The following NGEF variants were observed in gnomAD, a reference collection of about 807,000 sequenced individuals.
NGEF encodes neuronal guanine nucleotide exchange factor, also known as ephexin-1.
Under a neutral mutation model 80.9 loss-of-function variants are expected in NGEF, and 31 were observed. That is an observed-to-expected ratio of 0.38 (90% confidence interval 0.29 to 0.52). The LOEUF (loss-of-function observed/expected upper bound fraction) is 0.52. Among genes scored for constraint, NGEF ranks in the 20% least tolerant of loss-of-function variants. The pLI, the probability that NGEF is intolerant of heterozygous loss-of-function variation, is 0.84. For missense variants in NGEF, 709 were observed against 926.2 expected (o/e 0.77, Z 3.04); for synonymous variants, 371 against 370.2 (o/e 1.00, Z -0.03).
chr2:232,979,531 A>C (rs1350673034), intron 1 of NGEF, among the ~76,000 whole-genome samples: 1 of 152,226 alleles, frequency 6.6e-6, no homozygotes, highest in East Asian at 1.9e-4. Flanking sequence ...ACTGCCAGAA[A>C]ACCCAGAAGC....
intron 5 of NGEF, among the ~76,000 whole-genome samples, chr2:232,916,421 C>T (rs1259307571): frequency 2.0e-5 from 3 of 152,050 alleles, no homozygotes; most frequent in African/African-American, 4.8e-5. Context: ...GCACAAATTG[C>T]GTCCCTTATA....
intron 1 of NGEF, among the ~76,000 whole-genome samples, chr2:233,008,833 G>A (rs1229956409): frequency 6.9e-6 from 1 of 144,240 alleles, no homozygotes; most frequent in Admixed American, 7.0e-5. Context: ...ACGGAGTCTT[G>A]CTCTGTGGCC....
intron 8 of NGEF, among the ~76,000 whole-genome samples, chr2:232,889,902 C>G (rs1468960170): frequency 6.6e-6 from 1 of 152,182 alleles, no homozygotes; most frequent in African/African-American, 2.4e-5. Context: ...CTGTGGCTCC[C>G]AGGTCCCCCT....
chr2:232,963,629 T>C (rs1328973306), intron 3 of NGEF, among the ~76,000 whole-genome samples: 3 of 151,898 alleles, frequency 2.0e-5, no homozygotes, highest in Non-Finnish European at 4.4e-5. Context: ...GCCTGGCCAA[T>C]ATGGTGAAAC....
At chr2:232,945,587 A>G (rs4973580) in intron 3 of NGEF, among the ~76,000 whole-genome samples, 91,547 of 151,898 alleles carry the variant, frequency 0.6, 27,837 homozygotes, top group South Asian at 0.67. Flanking sequence ...GGTGCCAGCC[A>G]CCACCAGAAG....
intron 1 of NGEF, among the ~76,000 whole-genome samples, chr2:232,985,754 CAAAACA>C (rs1214686434): frequency 1.3e-5 from 2 of 151,106 alleles, no homozygotes; most frequent in Non-Finnish European, 2.9e-5. Flanking sequence ...CTGTCCGTCT[CAAAACA>C]AAAACAAAAA....
intron 5 of NGEF, among the ~76,000 whole-genome samples, chr2:232,915,896 G>A (rs944672929): frequency 6.6e-6 from 1 of 152,114 alleles, no homozygotes; most frequent in African/African-American, 2.4e-5. Flanking sequence ...TCACCATGTT[G>A]ACCAGGCTGG....
At chr2:233,012,801 C>T in intron 1 of NGEF, 1 of 469,972 alleles carries the variant, frequency 2.1e-6, no homozygotes, top group Non-Finnish European at 4.4e-6. Flanking sequence ...TCACTTACCC[C>T]ACAGCCATAA....
At chr2:232,904,207 A>G (rs1692436697) in intron 5 of NGEF, among the ~76,000 whole-genome samples, 1 of 152,116 alleles carries the variant, frequency 6.6e-6, no homozygotes, top group African/African-American at 2.4e-5. Flanking sequence ...CAGGCTGTGC[A>G]TATATGAGTG....
At chr2:232,908,065 G>A (rs538778283) in intron 5 of NGEF, among the ~76,000 whole-genome samples, 10 of 152,110 alleles carry the variant, frequency 6.6e-5, no homozygotes, top group Non-Finnish European at 8.8e-5. Flanking sequence ...AGCCGAGATC[G>A]TACCACTGCA....
At chr2:232,941,696 T>C (rs763940009) in intron 3 of NGEF, among the ~76,000 whole-genome samples, 71 of 152,212 alleles carry the variant, frequency 4.7e-4, no homozygotes, top group Non-Finnish European at 8.1e-4. Flanking sequence ...ATGTAGAGCA[T>C]GGGTTTAAAG....
intron 9 of NGEF, among the ~76,000 whole-genome samples, chr2:232,886,982 T>C (rs889469716): frequency 2.6e-5 from 4 of 152,220 alleles, no homozygotes; most frequent in Admixed American, 6.5e-5. Flanking sequence ...GGAATTTTGG[T>C]GGCCAACTGG....
At chr2:232,944,307 C>T (rs1693504767) in intron 3 of NGEF, among the ~76,000 whole-genome samples, 1 of 152,128 alleles carries the variant, frequency 6.6e-6, no homozygotes, top group Non-Finnish European at 1.5e-5. Context: ...AGTGACGCCA[C>T]ATCTAATAAT....
At chr2:232,997,880 G>A (rs1450715106) in intron 1 of NGEF, among the ~76,000 whole-genome samples, 2 of 152,198 alleles carry the variant, frequency 1.3e-5, no homozygotes, top group African/African-American at 4.8e-5. Flanking sequence ...GTCACCGAGC[G>A]TTACCAGCAG....
chr2:232,892,843 A>T lies in NGEF; in HGVS notation c.1142+55T>A. 2.5e-6 allele frequency: 4 copies of T among 1,583,590 alleles called. No homozygotes were observed. Among genetic ancestry groups the T allele is most frequent in the Non-Finnish European group, 3.5e-6 (4 of 1,159,046 alleles). ...GTAAGGAGCCTGGGCCAGCACTGGT[A>T]TGGCTGCCCCGGGCACCTCCCCCTG... On this transcript the variant is annotated intron_variant, in intron 7 of 14. Transcript: ENST00000264051. This position sits in a 1 kb window ranked among gnomAD's most constrained non-coding sequence, Gnocchi z 4.0.
intron 3 of NGEF, among the ~76,000 whole-genome samples, chr2:232,953,301 C>CAAAAAAAAAA (rs57652494): frequency 5.5e-5 from 5 of 91,180 alleles, no homozygotes; most frequent in Non-Finnish European, 8.1e-5. Flanking sequence ...GACTCTGTGT[C>CAAAAAAAAAA]AAAAAAAAAA....
chr2:233,001,657 G>A (rs1418043222), intron 1 of NGEF, among the ~76,000 whole-genome samples: 1 of 152,214 alleles, frequency 6.6e-6, no homozygotes, highest in South Asian at 2.1e-4. Flanking sequence ...TTTTCAAGAG[G>A]CAGATGTGTT....
rs370642389 is a variant in NGEF, at chr2:232,970,321, C to T, written c.276G>A (p.Gln92=). Residue 92 remains glutamine, a synonymous_variant, in exon 3 of 15, where the codon CAG becomes CAA. Coordinates refer to ENST00000264051, the MANE Select transcript of NGEF (RefSeq NM_019850.3). ...ERNASCLADS[Q]DNGKSVNEPL... ...GCTCATTTACAGATTTTCCATTGTC[C>T]TGTGAATCTGTGACAATTCAGAAAT... The T allele has an allele frequency of 6.9e-6, 11 of 1,583,772 alleles. No homozygotes were observed. The African/African-American group carries it at 1.4e-4, about 20-fold the overall frequency.
intron 8 of NGEF, chr2:232,891,101 CTGTCG>C (rs1691868218): frequency 1.8e-6 from 1 of 570,914 alleles, no homozygotes; most frequent in Non-Finnish European, 3.4e-6. Context: ...CCAGCCACCC[CTGTCG>C]TGTCGGCCCA....
Sources: gnomAD v4.1 joint callset for allele counts (sites outside exome capture counted in the v4.1 genomes callset) on GRCh38, gnomAD v4.1.1 for gene constraint, Gnocchi (gnomAD v3.1) non-coding constraint, MANE v1.5 for transcripts, NCBI Gene and HGNC (gene_info 2026-07-23, HGNC 2026-07-21) for gene names.